PACRG: variants seen among roughly 807,000 people sequenced by gnomAD.
The protein encoded by PACRG is parkin coregulated, also known as parkin coregulated gene protein.
Under a neutral mutation model 29.7 loss-of-function variants are expected in PACRG, and 29 were observed. That is an observed-to-expected ratio of 0.98 (90% CI 0.73 to 1.33). PACRG has a LOEUF of 1.33. Ranked by LOEUF, PACRG falls within the 40% of genes most tolerant of loss-of-function variation. The pLI is 0.00. For missense variants in PACRG, 279 were observed against 316.2 expected (o/e 0.88, Z 0.89); for synonymous variants, 116 against 118.7 (o/e 0.98, Z 0.15).
chr6:163,279,694 T>C (rs879798824), intron 4 of PACRG, among the ~76,000 whole-genome samples: 1 of 152,218 alleles, frequency 6.6e-6, no homozygotes, highest in Non-Finnish European at 1.5e-5. Flanking sequence ...TCTGTGAGTA[T>C]GTGTGAATAT....
At chr6:162,806,860 A>C (rs1416684303) in intron 1 of PACRG, among the ~76,000 whole-genome samples, 1 of 152,192 alleles carries the variant, frequency 6.6e-6, no homozygotes, top group Non-Finnish European at 1.5e-5. Context: ...AATTATCCTC[A>C]GTAGCTTTAG....
At chr6:162,845,662 C>T (rs1790307477) in intron 2 of PACRG, among the ~76,000 whole-genome samples, 1 of 152,158 alleles carries the variant, frequency 6.6e-6, no homozygotes, top group Non-Finnish European at 1.5e-5. Context: ...AGACGTCATG[C>T]CAGTTCTCCT....
At chr6:163,131,430 G>A (rs1816737379) in intron 4 of PACRG, among the ~76,000 whole-genome samples, 1 of 152,146 alleles carries the variant, frequency 6.6e-6, no homozygotes, top group Non-Finnish European at 1.5e-5. Flanking sequence ...GACGCAGAGA[G>A]GGGGCCGATG....
At chr6:162,822,576 G>A (rs1294932449) in intron 2 of PACRG, among the ~76,000 whole-genome samples, 1 of 151,988 alleles carries the variant, frequency 6.6e-6, no homozygotes, top group Non-Finnish European at 1.5e-5. Context: ...TCTAATCTGA[G>A]TAAAAGAAAA....
At chr6:162,922,112 G>A (rs1266441248) in intron 2 of PACRG, among the ~76,000 whole-genome samples, 2 of 151,808 alleles carry the variant, frequency 1.3e-5, no homozygotes, top group Non-Finnish European at 2.9e-5. Context: ...CACATGTGTG[G>A]GCCGGTGTTG....
At chr6:163,203,386 C>T (rs1780783476) in intron 4 of PACRG, among the ~76,000 whole-genome samples, 1 of 152,072 alleles carries the variant, frequency 6.6e-6, no homozygotes, top group Non-Finnish European at 1.5e-5. Flanking sequence ...GCACTCCAGC[C>T]GGGCGACAGA....
At chr6:162,880,583 G>A (rs1030815473) in intron 2 of PACRG, among the ~76,000 whole-genome samples, 2 of 152,062 alleles carry the variant, frequency 1.3e-5, no homozygotes, top group Admixed American at 6.6e-5. Flanking sequence ...AAAATATAAC[G>A]CTTCATATCT....
chr6:163,256,253 T>A (rs1461611786), intron 4 of PACRG, among the ~76,000 whole-genome samples: 1 of 152,232 alleles, frequency 6.6e-6, no homozygotes, highest in Non-Finnish European at 1.5e-5. Context: ...TATTCCATTC[T>A]GACTCAAAAT....
chr6:163,054,328 G>T (rs1810335161), intron 2 of PACRG, among the ~76,000 whole-genome samples: 1 of 152,150 alleles, frequency 6.6e-6, no homozygotes, highest in African/African-American at 2.4e-5. Flanking sequence ...AGGGCCCTGT[G>T]AGGACATTTT....
chr6:163,112,790 A>T (rs780939690), intron 4 of PACRG, among the ~76,000 whole-genome samples: 28 of 152,234 alleles, frequency 1.8e-4, no homozygotes, highest in Non-Finnish European at 4.1e-4. Flanking sequence ...TCTGATTTCC[A>T]GAGTTACTAT....
At chr6:163,169,772 G>A (rs143778853) in intron 4 of PACRG, among the ~76,000 whole-genome samples, 42 of 152,312 alleles carry the variant, frequency 2.8e-4, no homozygotes, top group Non-Finnish European at 4.9e-4. Context: ...ACAGACTTGG[G>A]GAGCGCCTTC....
rs1218221688 is a variant in PACRG, at chr6:162,947,559, CAT to C, written c.292-114581_292-114580del. Among the ~76,000 whole-genome samples, 488 of 70,252 alleles carry C rather than the reference CAT, an allele frequency of 6.9e-3. 6 individuals carry two copies. Among genetic ancestry groups the C allele is most frequent in the Middle Eastern group, 0.029 (2 of 68 alleles). 46.1% of individuals were successfully genotyped at this position (70,252 alleles called of 152,430 possible). On this transcript the variant is annotated intron_variant, in intron 2 of 4. Transcript: ENST00000366888. The stretch of plus-strand genomic sequence containing the variant: ...TCATATATAATCATATATATATAAT[CAT>C]ATATATATACTCATATATAATCATA...
intron 2 of PACRG, among the ~76,000 whole-genome samples, chr6:162,875,300 C>T (rs1458450545): frequency 6.6e-6 from 1 of 151,824 alleles, no homozygotes; most frequent in Non-Finnish European, 1.5e-5. Context: ...CACACATGCA[C>T]ACACAGACAT....
At chr6:162,904,454 G>A (rs550965258) in intron 2 of PACRG, among the ~76,000 whole-genome samples, 88 of 152,340 alleles carry the variant, frequency 5.8e-4, no homozygotes, top group African/African-American at 1.7e-3. Flanking sequence ...GGAGCACGTG[G>A]AGTGAGGGAG....
At chr6:162,978,543 C>A (rs1802149895) in intron 2 of PACRG, among the ~76,000 whole-genome samples, 1 of 151,978 alleles carries the variant, frequency 6.6e-6, no homozygotes, top group Admixed American at 6.6e-5. Flanking sequence ...AATGTATGAA[C>A]AAATACACTC....
At position 162,920,406 on chromosome 6, in the gene PACRG, G is replaced by A. The variant is rs1039878931; in HGVS notation, c.291+106125G>A. Among the ~76,000 whole-genome samples, 4 of 152,248 alleles carry A rather than the reference G, an allele frequency of 2.6e-5. No individual in the cohort carries two copies. The East Asian group carries it at 7.7e-4, about 29-fold the overall frequency. On this transcript the variant is annotated intron_variant, in intron 2 of 4. Transcript: ENST00000366888. The stretch of plus-strand genomic sequence containing the variant: ...AGCAGCTGGAAGATTGCTCCCCATC[G>A]AATCACGCCACAGTTTACCATAGAC...
intron 2 of PACRG, among the ~76,000 whole-genome samples, chr6:162,995,661 A>T (rs1381830955): frequency 1.3e-5 from 2 of 152,088 alleles, no homozygotes; most frequent in Non-Finnish European, 2.9e-5. Flanking sequence ...AGTGAGATGA[A>T]CCCGGTACCT....
intron 2 of PACRG, among the ~76,000 whole-genome samples, chr6:162,968,422 G>C (rs1214809862): frequency 6.6e-6 from 1 of 152,166 alleles, no homozygotes; most frequent in African/African-American, 2.4e-5. Context: ...AATATTGTGA[G>C]AGTTAATGAG....
At chr6:162,913,087 G>A (rs1167930632) in intron 2 of PACRG, among the ~76,000 whole-genome samples, 1 of 152,172 alleles carries the variant, frequency 6.6e-6, no homozygotes, top group Non-Finnish European at 1.5e-5. Flanking sequence ...AGGCTTATTT[G>A]TGTGTTCACA....
Sources: gnomAD v4.1 joint callset for allele counts (sites outside exome capture counted in the v4.1 genomes callset) on GRCh38, gnomAD v4.1.1 for gene constraint, MANE v1.5 for transcripts, NCBI Gene and HGNC (gene_info 2026-07-23, HGNC 2026-07-21) for gene names.